Variants in B4GALNT3 observed in about 807,000 individuals in gnomAD.
The protein encoded by B4GALNT3 is beta-1,4-N-acetyl-galactosaminyltransferase 3.
A neutral mutation model predicts 120.2 loss-of-function variants in B4GALNT3; 86 were observed. The observed-to-expected ratio is 0.72, with a 90% confidence interval of 0.60 to 0.86. The LOEUF is 0.86. Ranked by LOEUF, B4GALNT3 falls within the 40% of genes least tolerant of loss-of-function variation. B4GALNT3 has a pLI of 0.00. For missense variants in B4GALNT3, 1,167 were observed against 1,298.9 expected, an observed-to-expected ratio of 0.90 and a Z score of 1.56; for synonymous variants, 518 against 510.4, an observed-to-expected ratio of 1.01 and a Z score of -0.20.
intron 1 of B4GALNT3, among the ~76,000 whole-genome samples, chr12:527,206 G>T (rs1402966540): frequency 6.6e-6 from 1 of 152,188 alleles, no homozygotes; most frequent in Admixed American, 6.5e-5. Flanking sequence ...GGGATTACAG[G>T]CGTGAGCCAC....
At chr12:489,499 A>G (rs754480819) in intron 1 of B4GALNT3, among the ~76,000 whole-genome samples, 1 of 152,208 alleles carries the variant, frequency 6.6e-6, no homozygotes, top group Non-Finnish European at 1.5e-5. Context: ...TAAAAGATGG[A>G]GATTGTCAGA....
At chr12:554,278 C>T (rs1003849010) in intron 14 of B4GALNT3, among the ~76,000 whole-genome samples, 28 of 152,230 alleles carry the variant, frequency 1.8e-4, no homozygotes, top group African/African-American at 4.8e-4. Context: ...TCCCCTCCTC[C>T]GAGGAAAGAG....
In B4GALNT3 at chr12:544,897, A is replaced by G. The variant is rs1237760691; in HGVS notation, c.463A>G (p.Arg155Gly). The change falls in exon 5 of 20, where the codon AGG becomes GGG. Residue 155 changes from arginine (R) to glycine (G), a missense_variant. Coordinates refer to ENST00000266383, the MANE Select transcript of B4GALNT3 (RefSeq NM_173593.4). ...PLYPHIRTTL[R>G]KLAVSPKWTN... Reference sequence around the variant, plus strand: ...CTTGGCATAGATTCGCACAACCCTGAGGAAGCTTGCTGTGTCCCCCAAATG... The same window carrying G: ...CTTGGCATAGATTCGCACAACCCTGGGGAAGCTTGCTGTGTCCCCCAAATG... The G allele has an allele frequency of 1.2e-6, 2 of 1,613,968 alleles. No homozygotes were observed. Among genetic ancestry groups the G allele is most frequent in the South Asian group, 2.2e-5 (2 of 91,078 alleles).
At chr12:523,762 A>T (rs79152081) in intron 1 of B4GALNT3, among the ~76,000 whole-genome samples, 1,572 of 152,290 alleles carry the variant, frequency 0.01, 25 homozygotes, top group African/African-American at 0.036. Flanking sequence ...ATCAACTCCG[A>T]TAGAAAACAT....
intron 1 of B4GALNT3, among the ~76,000 whole-genome samples, chr12:472,200 C>A (rs1195213981): frequency 6.6e-6 from 1 of 152,198 alleles, no homozygotes; most frequent in African/African-American, 2.4e-5. Flanking sequence ...TAGTTGCAAC[C>A]TCATTGTGGA....
chr12:460,607 T>TG lies in B4GALNT3; in HGVS notation c.169+68dup. ...TGGGCGGCGGCGGCGGCTCCTGCGT[T>TG]GGGGGGACCCGCCTCTCATCCCATC... On this transcript the variant is annotated intron_variant, in intron 1 of 19. Coordinates refer to ENST00000266383, the MANE Select transcript of B4GALNT3 (RefSeq NM_173593.4). The surrounding 1 kb of genome is among the most constrained non-coding windows in gnomAD (Gnocchi z 8.0). 1.6e-6 allele frequency: 2 copies of TG among 1,278,598 alleles called. No individual in the cohort carries two copies. The highest frequency in any genetic ancestry group is 2.3e-5 in the South Asian group (1 of 43,846). The allele number at this position is 1,278,598 out of a possible 1,614,324, so 79.2% of individuals were successfully genotyped here.
chr12:553,349 C>T lies in B4GALNT3; in HGVS notation c.1426C>T (p.Arg476Trp), dbSNP rs372831242. Residue 476 changes from arginine (R) to tryptophan (W), a missense_variant, in exon 14 of 20, where the codon CGG becomes TGG. Transcript: ENST00000266383. ...CACTGACTACCGCCTCCGAAGCCTGCGGAAACTCCTGGCTCAGCCCCGGGA... is the reference window on the plus strand; with the variant it reads ...CACTGACTACCGCCTCCGAAGCCTGTGGAAACTCCTGGCTCAGCCCCGGGA... ...DATDYRLRSLRKLLAQPREGL... is the reference protein window; with the variant it reads ...DATDYRLRSLWKLLAQPREGL... 2.1e-5 allele frequency: 34 copies of T among 1,613,808 alleles called. No homozygotes were observed. The highest frequency in any genetic ancestry group is 1.6e-4 in the East Asian group (7 of 44,882).
chr12:504,392 C>T (rs1032437416), intron 1 of B4GALNT3, among the ~76,000 whole-genome samples: 9 of 151,920 alleles, frequency 5.9e-5, no homozygotes, highest in Non-Finnish European at 1.3e-4. Context: ...GTCCTCTCAC[C>T]TCTATACAAT....
At chr12:554,751 C>CAGCAG (rs1565611575) in intron 14 of B4GALNT3, among the ~76,000 whole-genome samples, 205 of 113,422 alleles carry the variant, frequency 1.8e-3, no homozygotes, top group African/African-American at 4.2e-3. Context: ...GATTGCGCCA[C>CAGCAG]TGCACTCCAG....
intron 1 of B4GALNT3, among the ~76,000 whole-genome samples, chr12:528,585 A>G (rs1388547202): frequency 6.6e-6 from 1 of 152,202 alleles, no homozygotes; most frequent in Non-Finnish European, 1.5e-5. Flanking sequence ...TGGCTCTGCC[A>G]TTGGAGCATT....
intron 1 of B4GALNT3, among the ~76,000 whole-genome samples, chr12:513,394 G>C (rs56050758): frequency 6.6e-6 from 1 of 152,132 alleles, no homozygotes; most frequent in Non-Finnish European, 1.5e-5. Flanking sequence ...GATGCTAAAC[G>C]GTGTGGGTTA....
chr12:544,334 T>C lies in B4GALNT3; in HGVS notation c.352-5T>C. 1 of 1,613,238 alleles carries C rather than the reference T, an allele frequency of 6.2e-7. No homozygotes were observed. The highest frequency in any genetic ancestry group is 1.1e-5 in the South Asian group (1 of 91,088). Reference sequence around the variant, plus strand: ...TCACTCACCACTGGCGTCTCCGCCCTGCAGTTCCGGGGCCGTGCCAACCTG... The same window carrying C: ...TCACTCACCACTGGCGTCTCCGCCCCGCAGTTCCGGGGCCGTGCCAACCTG... On this transcript the variant is annotated splice_polypyrimidine_tract_variant and splice_region_variant and intron_variant, in intron 3 of 19. Transcript: ENST00000266383.
At position 515,792 on chromosome 12, in the gene B4GALNT3, T is replaced by G. The variant is rs533731312; in HGVS notation, c.170-19374T>G. ...ATAGGGATACTATTGTCAGTAACAT[T>G]GTTTGTTGAACAAGTACCTATGTGC... On this transcript the variant is annotated intron_variant, in intron 1 of 19. Coordinates refer to ENST00000266383, the MANE Select transcript of B4GALNT3 (RefSeq NM_173593.4). 2.6e-5 allele frequency among the ~76,000 whole-genome samples: 4 copies of G among 152,250 alleles called. No individual in the cohort carries two copies. The South Asian group carries it at 8.3e-4, about 32-fold the overall frequency.
At chr12:536,374 A>G in intron 3 of B4GALNT3, 79 bp downstream of exon 3, 1 of 1,237,876 alleles carries the variant, frequency 8.1e-7, no homozygotes, top group Non-Finnish European at 1.2e-6. Flanking sequence ...GATCACAGAA[A>G]ACTTTCTACT....
chr12:491,297 A>G (rs1946337574), intron 1 of B4GALNT3, among the ~76,000 whole-genome samples: 1 of 151,948 alleles, frequency 6.6e-6, no homozygotes, highest in Non-Finnish European at 1.5e-5. Flanking sequence ...CAGAAAAGAT[A>G]TTTGACAAAA....
At chr12:490,456 G>T (rs1946330159) in intron 1 of B4GALNT3, among the ~76,000 whole-genome samples, 1 of 152,172 alleles carries the variant, frequency 6.6e-6, no homozygotes, top group African/African-American at 2.4e-5. Flanking sequence ...AATATTATGG[G>T]CTGGGTATGG....
rs74058019 is a variant in B4GALNT3 at position 461,973 on chromosome 12, C to T, written c.169+1428C>T. 2.7e-3 allele frequency among the ~76,000 whole-genome samples: 406 copies of T among 152,260 alleles called. 2 individuals carry two copies. The highest frequency in any genetic ancestry group is 8.7e-3 in the African/African-American group (363 of 41,542). ...ATACGAAGACTGATCTGCACGCAAG[C>T]GTTTCCAGGGCCAGAGAGCTCAGCA... On this transcript the variant is annotated intron_variant, in intron 1 of 19. Transcript: ENST00000266383.
At chr12:497,217 G>A (rs948076085) in intron 1 of B4GALNT3, among the ~76,000 whole-genome samples, 5 of 152,168 alleles carry the variant, frequency 3.3e-5, no homozygotes, top group South Asian at 4.2e-4. Flanking sequence ...GCAATGCCGC[G>A]ATCTCGGCTC....
In B4GALNT3 at chr12:460,672, C is replaced by G. The variant is rs1009315267; in HGVS notation, c.169+127C>G. On this transcript the variant is annotated intron_variant, in intron 1 of 19. Coordinates refer to ENST00000266383, the MANE Select transcript of B4GALNT3 (RefSeq NM_173593.4). This position sits in a 1 kb window ranked among gnomAD's most constrained non-coding sequence, Gnocchi z 8.0. ...CCCACCCATTTCTCCCTCAGGTGCC[C>G]GGCGTCGCCCCGCGCGTACTCGGGG... 1 of 985,560 alleles carries G rather than the reference C, an allele frequency of 1.0e-6. No individual in the cohort carries two copies. The highest frequency in any genetic ancestry group is 3.3e-5 in the East Asian group (1 of 30,032). 61.1% of individuals were successfully genotyped at this position (985,560 alleles called of 1,614,324 possible).
Sources: gnomAD v4.1 joint callset for allele counts (sites outside exome capture counted in the v4.1 genomes callset) on GRCh38, gnomAD v4.1.1 for gene constraint, Gnocchi (gnomAD v3.1) non-coding constraint, MANE v1.5 for transcripts, NCBI Gene and HGNC (gene_info 2026-07-23, HGNC 2026-07-21) for gene names.